The following DOCK7 variants were observed in gnomAD, a reference collection of about 807,000 sequenced individuals.
DOCK7 encodes dedicator of cytokinesis protein 7.
DOCK7 carries 138 observed loss-of-function variants against 271.0 expected under a neutral mutation model. The ratio of observed to expected loss-of-function variants is 0.51; its 90% CI spans 0.44 to 0.59. The LOEUF (loss-of-function observed/expected upper bound fraction) is 0.59, where lower values mean the gene tolerates loss of function less well. DOCK7 is among the 20% of genes least tolerant of loss of function. DOCK7 has a pLI of 0.00. For missense variants in DOCK7, 2,066 were observed against 2,592.4 expected, an observed-to-expected ratio of 0.80 and a Z score of 4.41; for synonymous variants, 823 against 876.1, an observed-to-expected ratio of 0.94 and a Z score of 1.07.
chr1:62,532,000 A>T (rs900154540), intron 29 of DOCK7, among the ~76,000 whole-genome samples: 13 of 152,212 alleles, frequency 8.5e-5, no homozygotes, highest in African/African-American at 3.1e-4. Context: ...CCTTGTAGAA[A>T]CTAAAACAGG....
At position 62,457,643 on chromosome 1, in the gene DOCK7, C is replaced by G. The variant is rs1360850868; in HGVS notation, c.6275G>C (p.Arg2092Thr). The G allele has an allele frequency of 6.2e-7, 1 of 1,614,032 alleles. No homozygotes were observed. The highest frequency in any genetic ancestry group is 1.3e-5 in the African/African-American group (1 of 74,932). ...GCGATGATAGTTTCTCTCCAGTTCCCTTTGATACTCCTTTTGATCCGGCCC... is the reference window on the plus strand; with the variant it reads ...GCGATGATAGTTTCTCTCCAGTTCCGTTTGATACTCCTTTTGATCCGGCCC... ...LIGPDQKEYQRELERNYHRLK... is the reference protein window; with the variant it reads ...LIGPDQKEYQTELERNYHRLK... Residue 2092 changes from arginine (R) to threonine (T), a missense_variant, in exon 49 of 50, where the codon AGG becomes ACG. Arg to Thr is a moderately conservative substitution (Grantham distance 71, BLOSUM62 -1). This residue lies in a region of DOCK7 where 652 missense variants were observed against 922.1 expected (regional missense o/e 0.71). Coordinates refer to ENST00000635253, the MANE Select transcript of DOCK7 (RefSeq NM_001367561.1).
chr1:62,648,248 T>C lies in DOCK7; in HGVS notation c.590A>G (p.Asp197Gly). ...PRGSWACSIF[D>G]LKNSLPDALL... The stretch of plus-strand genomic sequence containing the variant: ...AGCATCAGGAAGTGAATTTTTCAAG[T>C]CAAAGATACTACAGGCCCAGCTACC... The change falls in exon 6 of 50, where the codon GAC becomes GGC. Residue 197 changes from aspartate to glycine, a missense_variant. By Grantham distance (94) the Asp-to-Gly change is moderately conservative. Around this residue, in one of 2 missense-constraint regions of DOCK7, gnomAD observed 1,414 missense variants for 1,670.4 expected, o/e 0.85. Coordinates refer to ENST00000635253, the MANE Select transcript of DOCK7 (RefSeq NM_001367561.1). 6.2e-7 allele frequency: 1 copy of C among 1,613,652 alleles called. No individual in the cohort carries two copies. The highest frequency in any genetic ancestry group is 8.5e-7 in the Non-Finnish European group (1 of 1,179,734).
intron 18 of DOCK7, among the ~76,000 whole-genome samples, chr1:62,571,065 T>C (rs567177117): frequency 6.6e-6 from 1 of 152,096 alleles, no homozygotes; most frequent in Non-Finnish European, 1.5e-5. Context: ...GGGATCTAAA[T>C]AAACTAAAGA....
At chr1:62,638,657 A>G (rs939421037) in intron 7 of DOCK7, among the ~76,000 whole-genome samples, 1 of 148,732 alleles carries the variant, frequency 6.7e-6, no homozygotes, top group Non-Finnish European at 1.5e-5. Context: ...TCATGAATAT[A>G]TATTTTCATG....
intron 30 of DOCK7, 54 bp from the exon 31 acceptor site, chr1:62,528,359 C>T (rs1645077745): frequency 1.3e-6 from 2 of 1,494,268 alleles, no homozygotes; most frequent in Non-Finnish European, 1.8e-6. Flanking sequence ...GAACTAATTC[C>T]CTTTCCTATT....
At position 62,504,679 on chromosome 1, in the gene DOCK7, G is replaced by A. The variant is rs751043414; in HGVS notation, c.4715C>T (p.Ala1572Val). ...SSSIGTIRSH[A>V]SASLYLLMRQ... ...CATTAGTAGGTAAAGGGAGGCACTG[G>A]CGTGTGACCGTATTGTACCGATGCT... Residue 1572 changes from alanine to valine, a missense_variant, in exon 37 of 50, where the codon GCC (alanine) becomes GTC (valine). Physicochemically the swap from Ala to Val is moderately conservative, Grantham distance 64. Around this residue, in one of 2 missense-constraint regions of DOCK7, gnomAD observed 652 missense variants for 922.1 expected, o/e 0.71. Transcript: ENST00000635253. 6.2e-7 allele frequency: 1 copy of A among 1,614,026 alleles called. No homozygotes were observed. Among genetic ancestry groups the A allele is most frequent in the Middle Eastern group, 1.6e-4 (1 of 6,062 alleles).
chr1:62,673,580 T>A (rs955035643), intron 1 of DOCK7, among the ~76,000 whole-genome samples: 1 of 152,172 alleles, frequency 6.6e-6, no homozygotes, highest in Non-Finnish European at 1.5e-5. Context: ...CTGCAAAAGG[T>A]CAATCCTCCT....
At chr1:62,518,573 C>CAAA (rs1228634392) in intron 31 of DOCK7, among the ~76,000 whole-genome samples, 3 of 98,144 alleles carry the variant, frequency 3.1e-5, no homozygotes, top group Admixed American at 1.2e-4. Context: ...GACTCCATCT[C>CAAA]AAAAAAAAAA....
rs1645318302 is a variant in DOCK7 at position 62,455,389 on chromosome 1, G to A, written c.*25C>T. On this transcript the variant is annotated 3_prime_UTR_variant, in exon 50 of 50. Transcript: ENST00000635253. ...GATGTTGAATACATGGCTCTTTGCA[G>A]ATGAATAAAACAAGTGCATTCAGTT... 1 of 1,611,450 alleles carries A rather than the reference G, an allele frequency of 6.2e-7. No individual in the cohort carries two copies. Among genetic ancestry groups the A allele is most frequent in the Non-Finnish European group, 8.5e-7 (1 of 1,178,066 alleles).
intron 17 of DOCK7, among the ~76,000 whole-genome samples, chr1:62,577,866 G>GT (rs1324477942): frequency 2.0e-5 from 3 of 151,964 alleles, no homozygotes; most frequent in African/African-American, 7.2e-5. Flanking sequence ...ACAGAACTGT[G>GT]TTATACCATG....
At chr1:62,468,862 C>G (rs1645752546) in intron 48 of DOCK7, among the ~76,000 whole-genome samples, 1 of 152,004 alleles carries the variant, frequency 6.6e-6, no homozygotes, top group South Asian at 2.1e-4. Flanking sequence ...TATACCTATC[C>G]AAAGAGGTGA....
chr1:62,466,679 C>T (rs976613085), intron 48 of DOCK7, among the ~76,000 whole-genome samples: 1 of 152,094 alleles, frequency 6.6e-6, no homozygotes, highest in Non-Finnish European at 1.5e-5. Context: ...CGCCTGTAAT[C>T]CAAGTACTTT....
At chr1:62,489,434 G>T (rs1007687649) in intron 41 of DOCK7, among the ~76,000 whole-genome samples, 3 of 152,140 alleles carry the variant, frequency 2.0e-5, no homozygotes, top group African/African-American at 7.2e-5. Context: ...GGGCGACAGA[G>T]CGAGACTCCA....
chr1:62,601,240 A>T (rs1471684351), intron 14 of DOCK7: 2 of 1,289,138 alleles, frequency 1.6e-6, no homozygotes, highest in Admixed American at 3.4e-5. Flanking sequence ...TATTATTATC[A>T]AATTCCCTAT....
At chr1:62,600,557 G>C (rs772999204) in intron 14 of DOCK7, among the ~76,000 whole-genome samples, 1 of 151,676 alleles carries the variant, frequency 6.6e-6, no homozygotes, top group Non-Finnish European at 1.5e-5. Flanking sequence ...CTAAACTAAC[G>C]ATAAACTACT....
chr1:62,489,977 G>GT (rs1203927693), intron 41 of DOCK7, among the ~76,000 whole-genome samples: 7 of 150,842 alleles, frequency 4.6e-5, no homozygotes, highest in Admixed American at 3.3e-4. Flanking sequence ...CTGTGGGCTA[G>GT]TTGGCCAGTG....
At chr1:62,604,942 C>A in intron 14 of DOCK7, 1 of 965,580 alleles carries the variant, frequency 1.0e-6, no homozygotes, top group Non-Finnish European at 1.6e-6. Flanking sequence ...ATCTTAAAGT[C>A]ACTGTCTATT....
rs370097721 is a variant in DOCK7 at position 62,559,169 on chromosome 1, G to A, written c.2251C>T (p.Leu751=). 3.1e-6 allele frequency: 5 copies of A among 1,613,582 alleles called. No individual in the cohort carries two copies. The highest frequency in any genetic ancestry group is 1.6e-4 in the Middle Eastern group (1 of 6,084). ...ATGTCCCCAATTCGGACTGGGAACA[G>A]GTGTTCATCCAGAGCATTGACCAGA... ...FALVNALDEH[L]FPVRIGDMRI... The change falls in exon 20 of 50, where the codon CTG becomes TTG. Residue 751 remains leucine, a synonymous_variant. Transcript: ENST00000635253.
rs759503732 is a variant in DOCK7, at chr1:62,631,414, C to G, written c.1117-9G>C. 3 of 1,589,190 alleles carry G rather than the reference C, an allele frequency of 1.9e-6. No homozygotes were observed. The South Asian group carries it at 3.5e-5, about 19-fold the overall frequency. On this transcript the variant is annotated splice_polypyrimidine_tract_variant and intron_variant, in intron 10 of 49. Coordinates refer to ENST00000635253, the MANE Select transcript of DOCK7 (RefSeq NM_001367561.1). ...TCCAGTTTTTCTTTATTCTGCAAAA[C>G]AGAACTTTATACATTATATGATTAT...
Sources: gnomAD v4.1 joint callset for allele counts (sites outside exome capture counted in the v4.1 genomes callset) on GRCh38, gnomAD v4.1.1 for gene constraint, gnomAD v4.1.1 regional missense constraint, MANE v1.5 for transcripts, NCBI Gene and HGNC (gene_info 2026-07-23, HGNC 2026-07-21) for gene names.